The following TENT5D variants were observed in gnomAD, a reference collection of about 807,000 sequenced individuals.
TENT5D encodes the protein terminal nucleotidyltransferase 5D.
For missense variants in TENT5D, 191 were observed against 287.0 expected (o/e 0.67, Z 2.42); for synonymous variants, 103 against 100.6 (o/e 1.02, Z -0.15).
exon 3 of TENT5D, chrX:80,443,843 A>G (rs1452388404): frequency 2.1e-5 from 12 of 558,949 alleles, no homozygotes; most frequent in Non-Finnish European, 2.8e-5. Context: ...TTGATGGAAT[A>G]GTAGTTACCA....
At chrX:80,381,461 C>A (rs1334585393) in intron 3 of TENT5D, among the ~76,000 whole-genome samples, 1 of 110,828 alleles carries the variant, frequency 9.0e-6, no homozygotes, top group Non-Finnish European at 1.9e-5. Flanking sequence ...CGAGGAGTAT[C>A]TTTGTGGTGT....
In TENT5D at chrX:80,394,814, C is replaced by T. The variant is rs537235907; in HGVS notation, c.-141-43796C>T. ...ACATGTATACATTGTGTAATGACCA[C>T]ATCAGGATGATTAGTGTATCTCTCA... is the stretch of plus-strand genomic sequence containing the variant. On this transcript the variant is annotated intron_variant, in intron 3 of 4. Transcript: ENST00000538312. Among the ~76,000 whole-genome samples the T allele has an allele frequency of 5.3e-3, 589 of 111,954 alleles. 3 individuals carry two copies. The highest frequency in any genetic ancestry group is 0.029 in the South Asian group (78 of 2,657).
At chrX:80,337,577 G>C (rs765740167) in intron 2 of TENT5D, among the ~76,000 whole-genome samples, 1 of 110,961 alleles carries the variant, frequency 9.0e-6, no homozygotes, top group Non-Finnish European at 1.9e-5. Context: ...CATAGGTATG[G>C]CTCGCTTATT....
At chrX:80,377,688 A>G (rs1362049317) in intron 3 of TENT5D, among the ~76,000 whole-genome samples, 2 of 112,175 alleles carry the variant, frequency 1.8e-5, no homozygotes, top group African/African-American at 3.2e-5. Context: ...TAGTGCCACA[A>G]TAAACATACG....
chrX:80,427,903 G>A (rs1932014989), intron 1 of TENT5D, among the ~76,000 whole-genome samples: 1 of 111,691 alleles, frequency 9.0e-6, no homozygotes, highest in Non-Finnish European at 1.9e-5. Flanking sequence ...CACCAAGAGT[G>A]GCAAGACAGA....
chrX:80,345,978 T>G (rs1172180389), intron 3 of TENT5D, among the ~76,000 whole-genome samples: 1 of 112,099 alleles, frequency 8.9e-6, no homozygotes, highest in Non-Finnish European at 1.9e-5. Flanking sequence ...GAGAAGTAAC[T>G]CCTACATTTT....
intron 3 of TENT5D, among the ~76,000 whole-genome samples, chrX:80,398,442 T>TA (rs1454164197): frequency 8.9e-6 from 1 of 112,227 alleles, no homozygotes; most frequent in Non-Finnish European, 1.9e-5. Flanking sequence ...TTGCTTTTGT[T>TA]ACCTGTATCT....
At chrX:80,400,894 G>C (rs1931378444) in intron 3 of TENT5D, among the ~76,000 whole-genome samples, 1 of 110,951 alleles carries the variant, frequency 9.0e-6, no homozygotes, top group Non-Finnish European at 1.9e-5. Flanking sequence ...TGGCTGTTTG[G>C]GTTTTATGTT....
intron 3 of TENT5D, among the ~76,000 whole-genome samples, chrX:80,380,922 T>A (rs890558307): frequency 9.0e-6 from 1 of 111,705 alleles, no homozygotes; most frequent in African/African-American, 3.3e-5. Flanking sequence ...AATTTTTCAG[T>A]CTGTGTCTTT....
At chrX:80,364,940 C>A (rs370143452) in intron 3 of TENT5D, among the ~76,000 whole-genome samples, 2 of 108,798 alleles carry the variant, frequency 1.8e-5, no homozygotes, top group Non-Finnish European at 3.8e-5. Flanking sequence ...CATAAAAAAT[C>A]CATAGCAAGG....
chrX:80,407,489 C>G (rs1265102787), intron 3 of TENT5D, among the ~76,000 whole-genome samples: 2 of 108,410 alleles, frequency 1.8e-5, no homozygotes, highest in Non-Finnish European at 3.8e-5. Context: ...CAACAAAAAT[C>G]AAAAGAGACA....
In TENT5D at chrX:80,399,014, C is replaced by T. The variant is rs779990208; in HGVS notation, c.-141-39596C>T. On this transcript the variant is annotated intron_variant, in intron 3 of 4. Coordinates refer to the TENT5D transcript ENST00000538312. ...TCCTTATATATTTTGGACAATAATCCCTTCTCATATGTGTTGTTTGCAGAT... is the reference window on the plus strand; with the variant it reads ...TCCTTATATATTTTGGACAATAATCTCTTCTCATATGTGTTGTTTGCAGAT... Among the ~76,000 whole-genome samples, 15 of 111,294 alleles carry T rather than the reference C, an allele frequency of 1.3e-4. No homozygotes were observed. In the East Asian group the frequency reaches 1.7e-3, roughly 13 times the overall value.
chrX:80,380,366 G>A (rs182309122), intron 3 of TENT5D, among the ~76,000 whole-genome samples: 21 of 111,073 alleles, frequency 1.9e-4, no homozygotes, highest in Non-Finnish European at 3.2e-4. Context: ...CCTGAGGAGT[G>A]CTTTGCTTCC....
chrX:80,416,564 A>G (rs182643994), upstream of TENT5D, among the ~76,000 whole-genome samples: 13 of 110,214 alleles, frequency 1.2e-4, no homozygotes, highest in Non-Finnish European at 2.1e-4. Context: ...GAAGTCATCC[A>G]GGCACAGGTT....
intron 3 of TENT5D, among the ~76,000 whole-genome samples, chrX:80,407,956 A>G (rs1350516646): frequency 4.5e-5 from 5 of 111,505 alleles, no homozygotes; most frequent in Non-Finnish European, 7.5e-5. Context: ...CTCACTCAAA[A>G]CTGCTCAACT....
intron 3 of TENT5D, among the ~76,000 whole-genome samples, chrX:80,357,259 T>C (rs1284435051): frequency 6.3e-5 from 7 of 111,225 alleles, no homozygotes; most frequent in African/African-American, 2.3e-4. Context: ...TGATTTATAA[T>C]CCTTTGGGTA....
In TENT5D at chrX:80,408,298, T is replaced by A. The variant is rs1160249763; in HGVS notation, c.-141-30312T>A. 1.7e-4 allele frequency among the ~76,000 whole-genome samples: 18 copies of A among 106,680 alleles called. No homozygotes were observed. In the East Asian group the frequency reaches 5.1e-3, roughly 30 times the overall value. The allele number at this position is 106,680 out of a possible 115,157, so 92.6% of individuals were successfully genotyped here. On this transcript the variant is annotated intron_variant, in intron 3 of 4. Coordinates refer to the TENT5D transcript ENST00000538312. The stretch of plus-strand genomic sequence containing the variant: ...GAGACACAAAAAACCCTTCAAAAAA[T>A]TAATGAATCCAGGAGCTGGTTTTTT...
intron 2 of TENT5D, among the ~76,000 whole-genome samples, chrX:80,439,198 G>A (rs968701843): frequency 8.9e-6 from 1 of 111,761 alleles, no homozygotes; most frequent in Admixed American, 9.6e-5. Context: ...TGAGGTTTAT[G>A]TGGAAAATTA....
At chrX:80,396,326 G>T (rs1394824144) in intron 3 of TENT5D, among the ~76,000 whole-genome samples, 1 of 109,714 alleles carries the variant, frequency 9.1e-6, no homozygotes, top group Admixed American at 9.7e-5. Flanking sequence ...CACAGAGGGG[G>T]ATTTGGCAGG....
Sources: allele counts gnomAD v4.1 joint callset (sites outside exome capture counted in the v4.1 genomes callset), GRCh38; gene constraint gnomAD v4.1.1; transcripts MANE v1.5; gene names NCBI Gene and HGNC (gene_info 2026-07-23, HGNC 2026-07-21).